CALD1: variants seen among roughly 807,000 people sequenced by gnomAD.
The protein encoded by CALD1 is caldesmon 1.
CALD1 carries 33 observed loss-of-function variants against 99.9 expected under a neutral mutation model. That is an observed-to-expected ratio of 0.33 (90% CI 0.25 to 0.44). CALD1 has a LOEUF of 0.44. CALD1 is among the 20% of genes least tolerant of loss of function. The pLI, the probability that CALD1 is intolerant of heterozygous loss-of-function variation, is 1.00. For synonymous variants in CALD1, 310 were observed against 325.0 expected, an observed-to-expected ratio of 0.95 and a Z score of 0.50; for missense variants, 861 against 962.1, an observed-to-expected ratio of 0.89 and a Z score of 1.39.
upstream of CALD1, among the ~76,000 whole-genome samples, chr7:134,742,480 G>A (rs1182934628): frequency 2.0e-5 from 3 of 152,206 alleles, no homozygotes; most frequent in Admixed American, 2.0e-4. Flanking sequence ...GTCTTGGAAT[G>A]TGCTCGAAGT....
chr7:134,867,502 T>G (rs141907775), intron 2 of CALD1, among the ~76,000 whole-genome samples, 191 bp from the exon 3 acceptor site: 24 of 152,330 alleles, frequency 1.6e-4, no homozygotes, highest in African/African-American at 5.5e-4. Context: ...TATTTGTCTC[T>G]AGGAGATTCA....
chr7:134,845,976 A>G (rs1362490863), intron 2 of CALD1, among the ~76,000 whole-genome samples: 1 of 152,102 alleles, frequency 6.6e-6, no homozygotes, highest in African/African-American at 2.4e-5. Flanking sequence ...GCCCCAAACC[A>G]TTCCTGTGAG....
At chr7:134,756,156 G>A (rs1268847784) in intron 1 of CALD1, among the ~76,000 whole-genome samples, 2 of 151,620 alleles carry the variant, frequency 1.3e-5, no homozygotes, top group Non-Finnish European at 2.9e-5. Flanking sequence ...CTCCCAAAGT[G>A]CTGGGATTAC....
At chr7:134,818,041 T>A (rs1798625111) in intron 1 of CALD1, among the ~76,000 whole-genome samples, 1 of 152,160 alleles carries the variant, frequency 6.6e-6, no homozygotes, top group Non-Finnish European at 1.5e-5. Context: ...TGTTTTTGAG[T>A]TTTATATGCA....
At chr7:134,825,329 T>C (rs1798945552) in intron 1 of CALD1, among the ~76,000 whole-genome samples, 1 of 152,170 alleles carries the variant, frequency 6.6e-6, no homozygotes, top group African/African-American at 2.4e-5. Context: ...GGCAGAGTTG[T>C]TAAGAGAATG....
chr7:134,788,609 T>A (rs997328873), intron 1 of CALD1, among the ~76,000 whole-genome samples: 1 of 152,238 alleles, frequency 6.6e-6, no homozygotes, highest in Non-Finnish European at 1.5e-5. Context: ...TCCTAGAACA[T>A]AAGCTCTATG....
At chr7:134,952,448 T>A (rs1807421342) in intron 9 of CALD1, among the ~76,000 whole-genome samples, 1 of 152,006 alleles carries the variant, frequency 6.6e-6, no homozygotes, top group African/African-American at 2.4e-5. Flanking sequence ...CAGAATTTTT[T>A]AATCCCCAAA....
At chr7:134,717,872 C>G in the CALD1 span, among the ~76,000 whole-genome samples, 1 of 152,026 alleles carries the variant, frequency 6.6e-6, no homozygotes, top group Non-Finnish European at 1.5e-5. Flanking sequence ...CATATATTTC[C>G]GATTTTTAGC....
intron 1 of CALD1, among the ~76,000 whole-genome samples, chr7:134,830,861 C>A (rs1347102019): frequency 1.3e-5 from 2 of 152,142 alleles, no homozygotes; most frequent in African/African-American, 4.8e-5. Context: ...AACTCAACTA[C>A]AAATATTCCA....
chr7:134,712,130 C>G, the CALD1 span, among the ~76,000 whole-genome samples: 2 of 151,922 alleles, frequency 1.3e-5, no homozygotes, highest in Admixed American at 6.6e-5. Context: ...AGATTCTGCT[C>G]TAGTTGTCAT....
chr7:134,885,139 G>C (rs1199331001), intron 3 of CALD1, among the ~76,000 whole-genome samples: 1 of 151,918 alleles, frequency 6.6e-6, no homozygotes, highest in Non-Finnish European at 1.5e-5. Context: ...CACTATGTTG[G>C]CCAGTCTGGT....
intron 2 of CALD1, among the ~76,000 whole-genome samples, chr7:134,860,005 G>T (rs556031131): frequency 6.6e-6 from 1 of 152,180 alleles, no homozygotes; most frequent in African/African-American, 2.4e-5. Flanking sequence ...GAGATTGTGC[G>T]GGGAAGGCAA....
intron 1 of CALD1, among the ~76,000 whole-genome samples, chr7:134,812,922 G>T (rs184785040): frequency 6.6e-6 from 1 of 152,218 alleles, no homozygotes; most frequent in Non-Finnish European, 1.5e-5. Context: ...AATTTTTAGG[G>T]TCTTCCAACA....
At chr7:134,953,035 AG>A (rs770795872) in intron 9 of CALD1, among the ~76,000 whole-genome samples, 4 of 152,260 alleles carry the variant, frequency 2.6e-5, no homozygotes, top group Non-Finnish European at 5.9e-5. Flanking sequence ...AAGTGAGCAG[AG>A]CAAAATGAGT....
intron 1 of CALD1, among the ~76,000 whole-genome samples, chr7:134,780,323 C>G (rs1390403370): frequency 6.6e-6 from 1 of 152,142 alleles, no homozygotes; most frequent in East Asian, 1.9e-4. Context: ...TAGCACCTAG[C>G]ACTGGTTGGG....
chr7:134,818,176 A>G (rs1475591821), intron 1 of CALD1, among the ~76,000 whole-genome samples: 1 of 152,206 alleles, frequency 6.6e-6, no homozygotes, highest in Non-Finnish European at 1.5e-5. Flanking sequence ...GGAAAATACA[A>G]TATTTTACTT....
At chr7:134,847,026 C>G (rs373434699) in intron 2 of CALD1, among the ~76,000 whole-genome samples, 3 of 152,168 alleles carry the variant, frequency 2.0e-5, no homozygotes, top group South Asian at 4.2e-4. Context: ...AGGTGCCTCC[C>G]GACTGTGTTT....
intron 3 of CALD1, among the ~76,000 whole-genome samples, chr7:134,888,813 C>A (rs985782922): frequency 6.6e-6 from 1 of 152,168 alleles, no homozygotes; most frequent in South Asian, 2.1e-4. Flanking sequence ...GGAGGGTGCG[C>A]GCTGTTTCCC....
intron 1 of CALD1, among the ~76,000 whole-genome samples, chr7:134,752,574 C>T (rs761930742): frequency 6.6e-6 from 1 of 151,992 alleles, no homozygotes; most frequent in Non-Finnish European, 1.5e-5. Flanking sequence ...AGTTCAGGCT[C>T]GGGGAGATAA....
Sources: gnomAD v4.1 joint callset for allele counts (sites outside exome capture counted in the v4.1 genomes callset) on GRCh38, gnomAD v4.1.1 for gene constraint, MANE v1.5 for transcripts, NCBI Gene and HGNC (gene_info 2026-07-23, HGNC 2026-07-21) for gene names.